The following HS6ST3 variants were observed in gnomAD, a reference collection of about 807,000 sequenced individuals.
HS6ST3 encodes the protein heparan-sulfate 6-O-sulfotransferase 3.
A neutral mutation model predicts 36.7 loss-of-function variants in HS6ST3; 12 were observed. The ratio of observed to expected loss-of-function variants is 0.33; its 90% CI spans 0.21 to 0.53. HS6ST3 has a LOEUF of 0.53. Ranked by LOEUF, HS6ST3 falls within the 20% of genes least tolerant of loss-of-function variation. HS6ST3 has a pLI of 0.95. For missense variants in HS6ST3, 584 were observed against 640.9 expected, an observed-to-expected ratio of 0.91 and a Z score of 0.96; for synonymous variants, 240 against 257.5, an observed-to-expected ratio of 0.93 and a Z score of 0.65.
At position 96,836,705 on chromosome 13, in the gene HS6ST3, A is replaced by G. The variant is rs1878934878; in HGVS notation, c.*3507A>G. 6.6e-6 allele frequency: 1 copy of G among 152,218 alleles called. No homozygotes were observed. The highest frequency in any genetic ancestry group is 1.5e-5 in the Non-Finnish European group (1 of 68,036). The allele number at this position is 152,218 out of a possible 1,614,324, so 9.4% of individuals were successfully genotyped here. On this transcript the variant is annotated 3_prime_UTR_variant, in exon 2 of 2. Coordinates refer to ENST00000376705, the MANE Select transcript of HS6ST3 (RefSeq NM_153456.4). Reference sequence around the variant, plus strand: ...TCCCCAGGATAGACCTAGCAAGGAGATAAGAATAGATCATTAAAAAATAAA... The same window carrying G: ...TCCCCAGGATAGACCTAGCAAGGAGGTAAGAATAGATCATTAAAAAATAAA...
intron 1 of HS6ST3, among the ~76,000 whole-genome samples, chr13:96,793,370 A>AC (rs1877835791): frequency 2.6e-5 from 4 of 151,718 alleles, no homozygotes; most frequent in African/African-American, 7.3e-5. Flanking sequence ...CTTCCTGGAA[A>AC]CCCCCGGGTA....
chr13:96,149,509 A>T (rs2054074430), intron 1 of HS6ST3, among the ~76,000 whole-genome samples: 1 of 152,236 alleles, frequency 6.6e-6, no homozygotes, highest in Non-Finnish European at 1.5e-5. Flanking sequence ...CTCAAGTGAG[A>T]AAAGCCAAGT....
intron 1 of HS6ST3, among the ~76,000 whole-genome samples, chr13:96,358,287 C>A (rs1030148966): frequency 7.1e-6 from 1 of 140,960 alleles, no homozygotes; most frequent in South Asian, 2.2e-4. Context: ...GTGGGGCATA[C>A]TATCTCATCA....
At position 96,294,701 on chromosome 13, in the gene HS6ST3, T is replaced by C. The variant is rs1244699952; in HGVS notation, c.707+203132T>C. On this transcript the variant is annotated intron_variant, in intron 1 of 1. Coordinates refer to ENST00000376705, the MANE Select transcript of HS6ST3 (RefSeq NM_153456.4). Reference sequence around the variant, plus strand: ...CCATGATTATAAGTTTATATGCTTATATAAAAAAGACTAAACCAGGCTGTT... The same window carrying C: ...CCATGATTATAAGTTTATATGCTTACATAAAAAAGACTAAACCAGGCTGTT... Among the ~76,000 whole-genome samples, 8 of 152,284 alleles carry C rather than the reference T, an allele frequency of 5.3e-5. No individual in the cohort carries two copies. The East Asian group carries it at 1.3e-3, about 26-fold the overall frequency.
At position 96,543,430 on chromosome 13, in the gene HS6ST3, A is replaced by G. The variant is rs552321017; in HGVS notation, c.708-289060A>G. Among the ~76,000 whole-genome samples, 124 of 152,316 alleles carry G rather than the reference A, an allele frequency of 8.1e-4. 1 individual carries two copies. The highest frequency in any genetic ancestry group is 3.4e-3 in the Middle Eastern group (1 of 294). ...AGAAAAAGAAGCGCAGTCTTCACAG[A>G]TGCCCCTGCCCACACCAAGGAAACC... On this transcript the variant is annotated intron_variant, in intron 1 of 1. Coordinates refer to ENST00000376705, the MANE Select transcript of HS6ST3 (RefSeq NM_153456.4).
At chr13:96,590,098 G>A (rs1364422658) in intron 1 of HS6ST3, among the ~76,000 whole-genome samples, 1 of 152,056 alleles carries the variant, frequency 6.6e-6, no homozygotes, top group Non-Finnish European at 1.5e-5. Context: ...TGGACACTTG[G>A]GTTGCTTCCA....
chr13:96,362,273 C>A (rs2055242332), intron 1 of HS6ST3, among the ~76,000 whole-genome samples: 1 of 143,096 alleles, frequency 7.0e-6, no homozygotes, highest in African/African-American at 2.4e-5. Flanking sequence ...CGATTTCTAA[C>A]AAAATATTTT....
chr13:96,392,560 T>G (rs2055401344), intron 1 of HS6ST3, among the ~76,000 whole-genome samples: 1 of 152,228 alleles, frequency 6.6e-6, no homozygotes, highest in African/African-American at 2.4e-5. Context: ...ACACATGATC[T>G]GATGTCCAAA....
intron 1 of HS6ST3, among the ~76,000 whole-genome samples, chr13:96,250,031 C>T (rs1193134700): frequency 2.0e-5 from 3 of 152,050 alleles, no homozygotes; most frequent in Non-Finnish European, 4.4e-5. Flanking sequence ...GTTTGTACAA[C>T]AAAGTGAATG....
chr13:96,821,214 C>G (rs1189333252), intron 1 of HS6ST3, among the ~76,000 whole-genome samples: 2 of 152,284 alleles, frequency 1.3e-5, no homozygotes, highest in East Asian at 3.9e-4. Context: ...TAAAGTAGAA[C>G]AGAGGCCCTG....
intron 1 of HS6ST3, among the ~76,000 whole-genome samples, chr13:96,575,893 T>C (rs1258505442): frequency 6.6e-6 from 1 of 152,300 alleles, no homozygotes; most frequent in East Asian, 1.9e-4. Context: ...TGGGAAGAAG[T>C]GATCCCAAGG....
At chr13:96,202,302 C>T (rs2139352104) in intron 1 of HS6ST3, among the ~76,000 whole-genome samples, 1 of 152,336 alleles carries the variant, frequency 6.6e-6, no homozygotes, top group South Asian at 2.1e-4. Flanking sequence ...GTACTCCTCA[C>T]ATCCAGTTGA....
chr13:96,390,729 C>A (rs553813399), intron 1 of HS6ST3, among the ~76,000 whole-genome samples: 80 of 152,300 alleles, frequency 5.3e-4, no homozygotes, highest in African/African-American at 1.9e-3. Context: ...TATCTGCCAA[C>A]AAGTGCCCCC....
intron 1 of HS6ST3, among the ~76,000 whole-genome samples, chr13:96,251,437 C>G (rs2054607528): frequency 6.6e-6 from 1 of 151,850 alleles, no homozygotes; most frequent in Non-Finnish European, 1.5e-5. Flanking sequence ...TGGAATGTCT[C>G]CTCTTTCATT....
intron 1 of HS6ST3, among the ~76,000 whole-genome samples, chr13:96,243,165 A>C (rs113176818): frequency 0.012 from 1,802 of 152,354 alleles, 40 homozygotes; most frequent in African/African-American, 0.042. Context: ...GTGAATTTAC[A>C]CATGTAGTAC....
At chr13:96,114,070 G>T (rs2053882765) in intron 1 of HS6ST3, among the ~76,000 whole-genome samples, 2 of 151,796 alleles carry the variant, frequency 1.3e-5, no homozygotes, top group African/African-American at 2.4e-5. Context: ...GTTCTACAAA[G>T]AAACATAATA....
chr13:96,717,964 T>C (rs911461937), intron 1 of HS6ST3, among the ~76,000 whole-genome samples: 2 of 152,184 alleles, frequency 1.3e-5, no homozygotes, highest in Non-Finnish European at 2.9e-5. Context: ...CATTTGACTT[T>C]CCCTGACTTG....
chr13:96,793,947 C>T (rs921403067), intron 1 of HS6ST3, among the ~76,000 whole-genome samples: 3 of 152,024 alleles, frequency 2.0e-5, no homozygotes, highest in Non-Finnish European at 4.4e-5. Flanking sequence ...TAAGAATTAT[C>T]TCCCTTACAA....
At chr13:96,256,363 A>G (rs534732436) in intron 1 of HS6ST3, among the ~76,000 whole-genome samples, 1 of 152,372 alleles carries the variant, frequency 6.6e-6, no homozygotes, top group East Asian at 1.9e-4. Context: ...TGTCCGATTT[A>G]TTAATTTACT....
Sources: gnomAD v4.1 joint callset for allele counts (sites outside exome capture counted in the v4.1 genomes callset) on GRCh38, gnomAD v4.1.1 for gene constraint, MANE v1.5 for transcripts, NCBI Gene and HGNC (gene_info 2026-07-23, HGNC 2026-07-21) for gene names.